SLAIN1: variants seen among roughly 807,000 people sequenced by gnomAD.
SLAIN1 encodes the protein SLAIN family member 1.
SLAIN1 carries 17 observed loss-of-function variants against 55.4 expected under a neutral mutation model. That is an observed-to-expected ratio of 0.31 (90% CI 0.21 to 0.46). The LOEUF (loss-of-function observed/expected upper bound fraction) is 0.46, where lower values mean the gene tolerates loss of function less well. SLAIN1 is among the 20% of genes least tolerant of loss of function. SLAIN1 has a pLI of 1.00. For synonymous variants in SLAIN1, 348 were observed against 337.4 expected (o/e 1.03, Z -0.35); for missense variants, 682 against 785.1 (o/e 0.87, Z 1.57).
At chr13:77,720,159 G>T (rs1452050113) in intron 2 of SLAIN1, among the ~76,000 whole-genome samples, 1 of 151,962 alleles carries the variant, frequency 6.6e-6, no homozygotes, top group Non-Finnish European at 1.5e-5. Context: ...TTAACTTATG[G>T]AGCCTAACAG....
chr13:77,759,589 G>A (rs889251644), intron 5 of SLAIN1, among the ~76,000 whole-genome samples: 45 of 152,056 alleles, frequency 3.0e-4, no homozygotes, highest in African/African-American at 9.9e-4. Flanking sequence ...GTCATATATC[G>A]CTTTTATTAC....
intron 2 of SLAIN1, among the ~76,000 whole-genome samples, chr13:77,728,223 G>A (rs1293464670): frequency 1.3e-5 from 2 of 152,098 alleles, no homozygotes; most frequent in African/African-American, 2.4e-5. Context: ...TTCATGGGTA[G>A]GATTAGCTCA....
intron 2 of SLAIN1, among the ~76,000 whole-genome samples, chr13:77,733,376 A>T (rs190532765): frequency 1.2e-4 from 18 of 152,324 alleles, no homozygotes; most frequent in Admixed American, 1.1e-3. Flanking sequence ...TATATAAATC[A>T]TGTTTTAAAA....
intron 2 of SLAIN1, 174 bp from the exon 3 acceptor site, chr13:77,744,109 A>G (rs555775455): frequency 4.8e-6 from 3 of 620,364 alleles, no homozygotes; most frequent in South Asian, 3.8e-5. Flanking sequence ...GTGGTTTTGT[A>G]TATATGAATT....
intron 1 of SLAIN1, among the ~76,000 whole-genome samples, chr13:77,716,166 C>T (rs1040567106): frequency 6.6e-6 from 1 of 151,358 alleles, no homozygotes; most frequent in Non-Finnish European, 1.5e-5. Context: ...TGTTCCAACA[C>T]CATTTATTTA....
intron 1 of SLAIN1, among the ~76,000 whole-genome samples, chr13:77,711,900 G>T (rs905072597): frequency 6.6e-6 from 1 of 152,100 alleles, no homozygotes; most frequent in Non-Finnish European, 1.5e-5. Flanking sequence ...CTTCATCCCC[G>T]GGATGCAGGG....
At chr13:77,753,387 TATTGTATA>T (rs1023631326) in intron 5 of SLAIN1, 29 bp downstream of exon 5, 41 of 1,104,922 alleles carry the variant, frequency 3.7e-5, no homozygotes, top group Admixed American at 1.8e-4. Context: ...TATAATTATA[TATTGTATA>T]ATTGTATAAT....
At chr13:77,705,029 A>G (rs561729991) in intron 1 of SLAIN1, among the ~76,000 whole-genome samples, 2 of 148,542 alleles carry the variant, frequency 1.3e-5, no homozygotes, top group Non-Finnish European at 3.0e-5. Context: ...GTATATATAC[A>G]TAGAAACTGT....
At chr13:77,715,574 T>C (rs1205792560) in intron 1 of SLAIN1, among the ~76,000 whole-genome samples, 1 of 152,186 alleles carries the variant, frequency 6.6e-6, no homozygotes, top group Non-Finnish European at 1.5e-5. Context: ...AAGTTTTCAG[T>C]GGCACCAAAT....
At chr13:77,758,469 CT>C (rs1436771335) in intron 5 of SLAIN1, among the ~76,000 whole-genome samples, 2 of 152,072 alleles carry the variant, frequency 1.3e-5, no homozygotes, top group East Asian at 1.9e-4. Flanking sequence ...GTTGCCTTTG[CT>C]TTTGGGATTT....
At position 77,727,444 on chromosome 13, in the gene SLAIN1, A is replaced by C. The variant is rs961903942; in HGVS notation, c.766+7773A>C. Among the ~76,000 whole-genome samples, 16 of 151,586 alleles carry C rather than the reference A, an allele frequency of 1.1e-4. No homozygotes were observed. The East Asian group carries it at 2.1e-3, about 20-fold the overall frequency. On this transcript the variant is annotated intron_variant, in intron 2 of 6. Transcript: ENST00000418532. ...TAAATTTTTTAAGTTGGGCAAAAAA[A>C]AAAACAAAACAATTTTCATTGAACA...
rs1146911 is a variant in SLAIN1, at chr13:77,709,061, A to G, written c.627-10471A>G. Among the ~76,000 whole-genome samples the G allele has an allele frequency of 6.0e-3, 912 of 152,118 alleles. 11 individuals carry two copies. Among genetic ancestry groups the G allele is most frequent in the African/African-American group, 0.02 (850 of 41,526 alleles). On this transcript the variant is annotated intron_variant, in intron 1 of 6. Transcript: ENST00000418532. ...CTAACTAGAACAACCAGTTCAGGGA[A>G]GAACATAAATGACCTGATGGAGCTG...
intron 1 of SLAIN1, among the ~76,000 whole-genome samples, chr13:77,717,640 T>C (rs1308709426): frequency 1.3e-5 from 2 of 152,286 alleles, no homozygotes; most frequent in East Asian, 3.9e-4. Flanking sequence ...TCTCAGTTTC[T>C]GTTGGCTAGG....
rs530758705 is a variant in SLAIN1 at position 77,711,145 on chromosome 13, A to G, written c.627-8387A>G. ...AGAAAGCAGGAAAGATCTCAGATCAACACCCTAATATCACAATTAACAGAA... is the reference window on the plus strand; with the variant it reads ...AGAAAGCAGGAAAGATCTCAGATCAGCACCCTAATATCACAATTAACAGAA... On this transcript the variant is annotated intron_variant, in intron 1 of 6. Transcript: ENST00000418532. Among the ~76,000 whole-genome samples the G allele has an allele frequency of 4.6e-5, 7 of 152,332 alleles. No homozygotes were observed. In the South Asian group the frequency reaches 1.4e-3, roughly 32 times the overall value.
intron 5 of SLAIN1, among the ~76,000 whole-genome samples, chr13:77,755,442 A>G (rs1254862365): frequency 6.6e-6 from 1 of 152,196 alleles, no homozygotes; most frequent in Non-Finnish European, 1.5e-5. Flanking sequence ...GTGTATTAGT[A>G]GCAGATTTGA....
intron 5 of SLAIN1, among the ~76,000 whole-genome samples, chr13:77,759,388 T>C (rs1874839341): frequency 6.6e-6 from 1 of 152,194 alleles, no homozygotes; most frequent in African/African-American, 2.4e-5. Context: ...CAGTGACAGT[T>C]TGACATCCTC....
intron 1 of SLAIN1, among the ~76,000 whole-genome samples, chr13:77,713,428 C>T (rs1594257289): frequency 6.6e-6 from 1 of 152,192 alleles, no homozygotes; most frequent in Non-Finnish European, 1.5e-5. Context: ...AAAAGCTCAT[C>T]ATCACTGGTC....
chr13:77,754,287 A>G (rs1874444774), intron 5 of SLAIN1, among the ~76,000 whole-genome samples: 1 of 152,150 alleles, frequency 6.6e-6, no homozygotes, highest in Non-Finnish European at 1.5e-5. Flanking sequence ...TCATTTCTTT[A>G]TGTTTTAGTT....
At position 77,739,072 on chromosome 13, in the gene SLAIN1, C is replaced by G. The variant is rs192865361; in HGVS notation, c.767-5211C>G. Among the ~76,000 whole-genome samples, 14 of 152,056 alleles carry G rather than the reference C, an allele frequency of 9.2e-5. No homozygotes were observed. In the East Asian group the frequency reaches 2.5e-3, roughly 27 times the overall value. On this transcript the variant is annotated intron_variant, in intron 2 of 6. Transcript: ENST00000418532. Reference sequence around the variant, plus strand: ...TTCCATGTTTGTTACCCCAGTCACACAGATCCTAGGCCTTAGTAATATAAC... The same window carrying G: ...TTCCATGTTTGTTACCCCAGTCACAGAGATCCTAGGCCTTAGTAATATAAC...
Sources: gnomAD v4.1 joint callset for allele counts (sites outside exome capture counted in the v4.1 genomes callset) on GRCh38, gnomAD v4.1.1 for gene constraint, MANE v1.5 for transcripts, NCBI Gene and HGNC (gene_info 2026-07-23, HGNC 2026-07-21) for gene names.